ILF2: variants seen among roughly 807,000 people sequenced by gnomAD.
ILF2 encodes the protein interleukin enhancer binding factor 2.
Under a neutral mutation model 55.3 loss-of-function variants are expected in ILF2, and 9 were observed. The ratio of observed to expected loss-of-function variants is 0.16; its 90% CI spans 0.10 to 0.28. The LOEUF is 0.28. ILF2 is among the 10% of genes least tolerant of loss of function. The pLI, the probability that ILF2 is intolerant of heterozygous loss-of-function variation, is 1.00. For synonymous variants in ILF2, 151 were observed against 161.8 expected, an observed-to-expected ratio of 0.93 and a Z score of 0.50; for missense variants, 266 against 474.9, an observed-to-expected ratio of 0.56 and a Z score of 4.09.
intron 10 of ILF2, 117 bp downstream of exon 10, chr1:153,663,923 TCAC>T (rs1669239572): frequency 4.1e-6 from 2 of 491,346 alleles, no homozygotes; most frequent in Non-Finnish European, 3.6e-6. Context: ...CTTTTAAGCT[TCAC>T]CAAATTTCAG....
At chr1:153,667,501 C>T (rs1669342107) in intron 6 of ILF2, 54 bp downstream of exon 6, 1 of 1,232,048 alleles carries the variant, frequency 8.1e-7, no homozygotes, top group Non-Finnish European at 1.2e-6. Flanking sequence ...GATACCTAAA[C>T]CCCTAATCCA....
intron 6 of ILF2, chr1:153,667,319 A>C (rs1669336860): frequency 1.8e-6 from 1 of 553,996 alleles, no homozygotes; most frequent in Non-Finnish European, 3.2e-6. Context: ...ATCTACAAAA[A>C]ATACAAAAAT....
At position 153,662,468 on chromosome 1, in the gene ILF2, T is replaced by C. The variant is rs983070192; in HGVS notation, c.1101A>G (p.Gly367=). 4.3e-6 allele frequency: 7 copies of C among 1,613,292 alleles called. No homozygotes were observed. The African/African-American group carries it at 9.3e-5, about 22-fold the overall frequency. ...CTTCTGTATTCTCCTCTTCTTCCTC[T>C]CCTTCCTTCTTCTCTGGTGGCTTCT... ...AYEKPPEKKE[G]EEEEENTEEP... Residue 367 remains glycine (G), a synonymous_variant, in exon 14 of 14, where the codon GGA becomes GGG. Transcript: ENST00000361891.
chr1:153,665,722 G>C lies in ILF2; in HGVS notation c.401C>G (p.Ala134Gly). ...VILKILPTLE[A>G]VAALGNKVVE... is the part of the protein sequence containing the mutation. ...GACTTTGTTCCCCAGGGCAGCAACA[G>C]CTTCCACTAATTGACAGAAAATGAC... The change falls in exon 7 of 14, where the codon GCT becomes GGT. Residue 134 changes from alanine to glycine, a missense_variant. Physicochemically the swap from Ala to Gly is moderately conservative, Grantham distance 60 (BLOSUM62 0). Coordinates refer to ENST00000361891, the MANE Select transcript of ILF2 (RefSeq NM_004515.4). 5 of 1,605,662 alleles carry C rather than the reference G, an allele frequency of 3.1e-6. No individual in the cohort carries two copies. Among genetic ancestry groups the C allele is most frequent in the Non-Finnish European group, 4.3e-6 (5 of 1,176,414 alleles).
At position 153,663,998 on chromosome 1, in the gene ILF2, G is replaced by C. The variant is rs201719314; in HGVS notation, c.744+45C>G. On this transcript the variant is annotated intron_variant, in intron 10 of 13. Coordinates refer to ENST00000361891, the MANE Select transcript of ILF2 (RefSeq NM_004515.4). ...ACTACTACTACTACTACTACTACTAGTAAATAAGGATGATGAGGAACTCCA... is the reference window on the plus strand; with the variant it reads ...ACTACTACTACTACTACTACTACTACTAAATAAGGATGATGAGGAACTCCA... 599 of 893,494 alleles carry C rather than the reference G, an allele frequency of 6.7e-4. 2 individuals are homozygous for C. The highest frequency in any genetic ancestry group is 9.6e-4 in the Non-Finnish European group (540 of 562,390). The allele number at this position is 893,494 out of a possible 1,614,324, so 55.3% of individuals were successfully genotyped here.
At position 153,670,381 on chromosome 1, in the gene ILF2, A is replaced by C. The variant is rs1381628810; in HGVS notation, c.6-151T>G. On this transcript the variant is annotated intron_variant, in intron 1 of 13. Coordinates refer to ENST00000361891, the MANE Select transcript of ILF2 (RefSeq NM_004515.4). Reference sequence around the variant, plus strand: ...CTTGTCCCCATTCCAAATGGTGCCCAGTTACACCCCCATAACCTCCTCTAA... The same window carrying C: ...CTTGTCCCCATTCCAAATGGTGCCCCGTTACACCCCCATAACCTCCTCTAA... 4.3e-6 allele frequency: 3 copies of C among 702,038 alleles called. No homozygotes were observed. The South Asian group carries it at 5.2e-5, about 12-fold the overall frequency. 43.5% of individuals were successfully genotyped at this position (702,038 alleles called of 1,614,324 possible).
chr1:153,670,965 C>T lies in ILF2; in HGVS notation c.-43G>A, dbSNP rs780619797. The T allele has an allele frequency of 8.1e-6, 13 of 1,613,940 alleles. No homozygotes were observed. The highest frequency in any genetic ancestry group is 1.3e-5 in the African/African-American group (1 of 74,944). On this transcript the variant is annotated 5_prime_UTR_variant, in exon 1 of 14. Transcript: ENST00000361891. ...ACAATGGAGGCCGCACCAACCGCCC[C>T]TTCCTCTGAGTAGCAGACAACTGAA...
At chr1:153,670,047 T>C (rs944861825) in intron 2 of ILF2, 124 bp downstream of exon 2, 2 of 1,118,014 alleles carry the variant, frequency 1.8e-6, no homozygotes, top group Non-Finnish European at 2.7e-6. Flanking sequence ...TTAACAGGAG[T>C]GCAGGAAAAG....
At chr1:153,664,553 A>C in intron 8 of ILF2, 79 bp from the exon 9 acceptor site, 4 of 1,173,992 alleles carry the variant, frequency 3.4e-6, no homozygotes, top group Non-Finnish European at 5.1e-6. Context: ...ACAGTCTTAA[A>C]AACTTGGAAG....
At chr1:153,667,214 A>C (rs1376619647) in intron 6 of ILF2, 6 of 411,108 alleles carry the variant, frequency 1.5e-5, no homozygotes, top group Non-Finnish European at 2.6e-5. Flanking sequence ...ACAGTGGCTC[A>C]CGCCTGTAAT....
chr1:153,665,163 A>C, intron 8 of ILF2, 57 bp downstream of exon 8: 1 of 985,792 alleles, frequency 1.0e-6, no homozygotes, highest in Non-Finnish European at 1.6e-6. Flanking sequence ...AAACAGCAAC[A>C]ATACCATGTT....
Position 153,668,448 on chromosome 1 carries a change from C to T in ILF2, c.213+5G>A, listed in dbSNP as rs765945477. On this transcript the variant is annotated splice_donor_5th_base_variant and intron_variant, in intron 4 of 13. Transcript: ENST00000361891. ...CATTTCTGGAAGACAGCCAAAAGAA[C>T]ATACCTGTTCAGCAGAATTGGGAGC... 3 of 1,614,084 alleles carry T rather than the reference C, an allele frequency of 1.9e-6. No individual in the cohort carries two copies. The highest frequency in any genetic ancestry group is 2.5e-6 in the Non-Finnish European group (3 of 1,180,002).
chr1:153,665,720 C>G lies in ILF2; in HGVS notation c.403G>C (p.Val135Leu), dbSNP rs1421301994. 6.2e-7 allele frequency: 1 copy of G among 1,606,434 alleles called. No individual in the cohort carries two copies. Among genetic ancestry groups the G allele is most frequent in the Admixed American group, 1.7e-5 (1 of 58,136 alleles). Residue 135 changes from valine (V) to leucine (L), a missense_variant, in exon 7 of 14, where the codon GTT (valine) becomes CTT (leucine). Physicochemically the swap from Val to Leu is conservative, Grantham distance 32 (BLOSUM62 1). Coordinates refer to ENST00000361891, the MANE Select transcript of ILF2 (RefSeq NM_004515.4). ...ACGACTTTGTTCCCCAGGGCAGCAA[C>G]AGCTTCCACTAATTGACAGAAAATG... is the stretch of plus-strand genomic sequence containing the variant. Reference protein sequence around the residue: ...ILKILPTLEAVAALGNKVVES... With the variant: ...ILKILPTLEALAALGNKVVES...
At position 153,662,369 on chromosome 1, in the gene ILF2, T is replaced by C. The variant is rs373205822; in HGVS notation, c.*27A>G. 3.1e-6 allele frequency: 5 copies of C among 1,613,414 alleles called. No homozygotes were observed. In the African/African-American group the frequency reaches 6.7e-5, roughly 22 times the overall value. ...CAGCTTAGGCTCCAGTCTTCCCCCTTGGGTAGGAAAAGGAGTGAAGGGAAT... is the reference window on the plus strand; with the variant it reads ...CAGCTTAGGCTCCAGTCTTCCCCCTCGGGTAGGAAAAGGAGTGAAGGGAAT... On this transcript the variant is annotated 3_prime_UTR_variant, in exon 14 of 14. Coordinates refer to ENST00000361891, the MANE Select transcript of ILF2 (RefSeq NM_004515.4).
chr1:153,664,476 T>TA lies in ILF2; in HGVS notation c.578-3dup. The TA allele has an allele frequency of 6.2e-7, 1 of 1,610,284 alleles. No homozygotes were observed. The highest frequency in any genetic ancestry group is 8.5e-7 in the Non-Finnish European group (1 of 1,176,546). On this transcript the variant is annotated splice_polypyrimidine_tract_variant and splice_region_variant and intron_variant, in intron 8 of 13. Coordinates refer to ENST00000361891, the MANE Select transcript of ILF2 (RefSeq NM_004515.4). ...CACTCTGCAATACTTTGATATCCAC[T>TA]AAAAAGACAAGCATGATATGCCAGG... is the stretch of plus-strand genomic sequence containing the variant.
rs374563796 is a variant in ILF2, at chr1:153,663,140, C to T, written c.807-7G>A. The T allele has an allele frequency of 6.2e-7, 1 of 1,613,918 alleles. No individual in the cohort carries two copies. The highest frequency in any genetic ancestry group is 1.3e-5 in the African/African-American group (1 of 74,922). ...CAGAATCTGCAAGCAGCGCCTAGAA[C>T]ACAGGGAGGTATGAGGTATTAAAGG... On this transcript the variant is annotated splice_polypyrimidine_tract_variant and splice_region_variant and intron_variant, in intron 11 of 13. Transcript: ENST00000361891.
chr1:153,662,906 C>T, intron 12 of ILF2, 111 bp from the exon 13 acceptor site: 2 of 1,312,908 alleles, frequency 1.5e-6, no homozygotes, highest in East Asian at 4.7e-5. Flanking sequence ...GGACCAAAGT[C>T]TTTCAGAATC....
chr1:153,665,819 C>T (rs1340803494), intron 6 of ILF2, 91 bp from the exon 7 acceptor site: 1 of 942,544 alleles, frequency 1.1e-6, no homozygotes, highest in Non-Finnish European at 1.6e-6. Context: ...TCATTTCTGT[C>T]CCATATCCAA....
chr1:153,668,616 G>A (rs534672524), intron 3 of ILF2, 59 bp from the exon 4 acceptor site: 1 of 1,524,380 alleles, frequency 6.6e-7, no homozygotes, highest in South Asian at 1.2e-5. Context: ...AGGAGAGATT[G>A]TTTTTTCTAT....
Sources: gnomAD v4.1 joint callset for allele counts on GRCh38, gnomAD v4.1.1 for gene constraint, MANE v1.5 for transcripts, NCBI Gene and HGNC (gene_info 2026-07-23, HGNC 2026-07-21) for gene names.